The following EOGT variants were observed in gnomAD, a reference collection of about 807,000 sequenced individuals.
EOGT encodes the protein EGF domain-specific O-linked N-acetylglucosamine transferase.
In EOGT, 55 loss-of-function variants were observed where a neutral mutation model predicts 70.5. The ratio of observed to expected loss-of-function variants is 0.78; its 90% CI spans 0.63 to 0.98. The LOEUF is 0.98. Among genes scored for constraint, EOGT ranks in the 50% least tolerant of loss-of-function variants. The pLI, the probability that EOGT is intolerant of heterozygous loss-of-function variation, is 0.00. For synonymous variants in EOGT, 246 were observed against 217.1 expected (o/e 1.13, Z -1.17); for missense variants, 703 against 641.9 (o/e 1.10, Z -1.03).
intron 15 of EOGT, 35 bp downstream of exon 15, chr3:68,982,776 G>C (rs2090686589): frequency 6.5e-7 from 1 of 1,541,322 alleles, no homozygotes; most frequent in Non-Finnish European, 8.8e-7. Flanking sequence ...CCAAGCAAAA[G>C]TTGACAGTGT....
At chr3:68,998,539 G>A (rs955925174) in intron 9 of EOGT, among the ~76,000 whole-genome samples, 1 of 152,122 alleles carries the variant, frequency 6.6e-6, no homozygotes, top group Admixed American at 6.5e-5. Flanking sequence ...ACCATGCCTA[G>A]CTTGATCAGT....
At chr3:68,981,831 CTTTT>C (rs566273792) in intron 15 of EOGT, among the ~76,000 whole-genome samples, 1 of 142,694 alleles carries the variant, frequency 7.0e-6, no homozygotes, top group Non-Finnish European at 1.5e-5. Context: ...ATTTTGATAA[CTTTT>C]TTGTTATCAA....
chr3:68,991,501 A>G (rs992959823), intron 10 of EOGT, among the ~76,000 whole-genome samples: 1 of 152,212 alleles, frequency 6.6e-6, no homozygotes, highest in African/African-American at 2.4e-5. Flanking sequence ...GAATACATGC[A>G]CTGATGCATG....
chr3:69,007,300 C>T (rs1205617469), intron 6 of EOGT, among the ~76,000 whole-genome samples: 1 of 152,094 alleles, frequency 6.6e-6, no homozygotes, highest in Non-Finnish European at 1.5e-5. Flanking sequence ...TGCCGTCTAT[C>T]TTGTTTTTAC....
chr3:68,977,847 T>A, intron 17 of EOGT, 83 bp from the exon 18 acceptor site: 1 of 1,377,012 alleles, frequency 7.3e-7, no homozygotes, highest in Non-Finnish European at 9.8e-7. Flanking sequence ...GTTACTTTGG[T>A]TAAGGCAACT....
intron 3 of EOGT, among the ~76,000 whole-genome samples, chr3:69,011,587 C>T (rs1399189369): frequency 9.2e-6 from 1 of 108,526 alleles, no homozygotes; most frequent in Non-Finnish European, 1.8e-5. Flanking sequence ...GCGAGGGAGA[C>T]TCTGTCTCAA....
At chr3:69,000,788 G>T (rs906917971) in intron 9 of EOGT, among the ~76,000 whole-genome samples, 6 of 152,154 alleles carry the variant, frequency 3.9e-5, no homozygotes, top group South Asian at 4.1e-4. Flanking sequence ...TGAGAAAGAG[G>T]CTATAAGTAT....
intron 8 of EOGT, among the ~76,000 whole-genome samples, 181 bp from the exon 9 acceptor site, chr3:69,001,895 T>C (rs1233302066): frequency 6.6e-6 from 1 of 152,134 alleles, no homozygotes; most frequent in Non-Finnish European, 1.5e-5. Context: ...AATTTTAATG[T>C]TAAGACAAGG....
intron 14 of EOGT, among the ~76,000 whole-genome samples, chr3:68,986,717 C>T (rs2090819028): frequency 6.6e-6 from 1 of 152,190 alleles, no homozygotes; most frequent in Non-Finnish European, 1.5e-5. Flanking sequence ...AAGCACTTAT[C>T]ACTGCCTGAC....
intron 7 of EOGT, 56 bp downstream of exon 7, chr3:69,005,084 G>T: frequency 1.9e-6 from 2 of 1,044,266 alleles, no homozygotes; most frequent in Non-Finnish European, 2.8e-6. Flanking sequence ...AAAAATCCCT[G>T]GATCTGAAAA....
intron 5 of EOGT, 45 bp downstream of exon 5, chr3:69,008,383 T>C (rs373364935): frequency 4.4e-6 from 6 of 1,353,558 alleles, no homozygotes; most frequent in Middle Eastern, 1.8e-4. Context: ...ATACACTGTA[T>C]AGAAAGAGGA....
chr3:69,006,316 GC>G (rs1243326554), intron 6 of EOGT, among the ~76,000 whole-genome samples: 1 of 152,088 alleles, frequency 6.6e-6, no homozygotes, highest in Non-Finnish European at 1.5e-5. Flanking sequence ...ACATCCTGAG[GC>G]CTCATTCACC....
chr3:68,980,435 A>C (rs1235920974), intron 15 of EOGT, among the ~76,000 whole-genome samples: 2 of 152,200 alleles, frequency 1.3e-5, no homozygotes, highest in African/African-American at 4.8e-5. Flanking sequence ...CTCTAAATCC[A>C]AGACACTAAC....
chr3:68,996,972 A>G (rs1333261186), intron 10 of EOGT, among the ~76,000 whole-genome samples: 1 of 152,196 alleles, frequency 6.6e-6, no homozygotes, highest in East Asian at 1.9e-4. Context: ...CTGTTCACAC[A>G]CTACACGGTT....
At position 69,005,243 on chromosome 3, in the gene EOGT, T is replaced by C. The variant is rs759552770; in HGVS notation, c.421-9A>G. 1.3e-6 allele frequency: 2 copies of C among 1,518,642 alleles called. No homozygotes were observed. Among genetic ancestry groups the C allele is most frequent in the Non-Finnish European group, 1.8e-6 (2 of 1,100,086 alleles). The allele number at this position is 1,518,642 out of a possible 1,614,324, so 94.1% of individuals were successfully genotyped here. A position where few individuals can be genotyped will look rare whatever the true frequency, so the allele number is the denominator to read the frequency against. On this transcript the variant is annotated splice_polypyrimidine_tract_variant and intron_variant, in intron 6 of 17. Coordinates refer to ENST00000383701, the MANE Select transcript of EOGT (RefSeq NM_001278689.2). ...ACCAGACTTGAGTCACTCTGAAGGTTGAGCAAAAGAAAAGAATGACTCTGA... is the reference window on the plus strand; with the variant it reads ...ACCAGACTTGAGTCACTCTGAAGGTCGAGCAAAAGAAAAGAATGACTCTGA...
At position 68,977,204 on chromosome 3, in the gene EOGT, C is replaced by T. The variant is rs2107107280; in HGVS notation, c.*414G>A. 6.0e-6 allele frequency: 1 copy of T among 167,732 alleles called. No homozygotes were observed. Among genetic ancestry groups the T allele is most frequent in the Non-Finnish European group, 1.3e-5 (1 of 79,630 alleles). 10.4% of individuals were successfully genotyped at this position (167,732 alleles called of 1,614,324 possible). The stretch of plus-strand genomic sequence containing the variant: ...TAGCCAGGTGTGGTGGTGCAGGCTG[C>T]AATCCCAGCTAGTCAGGTGGCTGAG... On this transcript the variant is annotated 3_prime_UTR_variant, in exon 18 of 18. Transcript: ENST00000383701.
At position 68,977,695 on chromosome 3, in the gene EOGT, A is replaced by G; in HGVS notation, c.1507T>C (p.Tyr503His). 1 of 1,614,000 alleles carries G rather than the reference A, an allele frequency of 6.2e-7. No homozygotes were observed. The highest frequency in any genetic ancestry group is 8.5e-7 in the Non-Finnish European group (1 of 1,179,954). Residue 503 changes from tyrosine to histidine, a missense_variant, in exon 18 of 18, where the codon TAT becomes CAT. By Grantham distance (83) the Tyr-to-His change is moderately conservative. Coordinates refer to ENST00000383701, the MANE Select transcript of EOGT (RefSeq NM_001278689.2). ...NYSFDVEEFM[Y>H]LVLQAADHVL... is the part of the protein sequence containing the mutation. Reference sequence around the variant, plus strand: ...TGGTCTGCAGCCTGAAGGACAAGATACATAAATTCTTCTACATCGAAAGAG... The same window carrying G: ...TGGTCTGCAGCCTGAAGGACAAGATGCATAAATTCTTCTACATCGAAAGAG...
chr3:69,005,131 C>A lies in EOGT; in HGVS notation c.515+9G>T, dbSNP rs776670186. The stretch of plus-strand genomic sequence containing the variant: ...TTATACTAGATGTTAACATTAACCA[C>A]TAAAGTACCTGTCATGATTTCTCTT... On this transcript the variant is annotated intron_variant, in intron 7 of 17. Coordinates refer to ENST00000383701, the MANE Select transcript of EOGT (RefSeq NM_001278689.2). 11 of 1,467,008 alleles carry A rather than the reference C, an allele frequency of 7.5e-6. No homozygotes were observed. In the South Asian group the frequency reaches 1.2e-4, roughly 16 times the overall value. 90.9% of individuals were successfully genotyped at this position (1,467,008 alleles called of 1,614,324 possible).
intron 14 of EOGT, among the ~76,000 whole-genome samples, chr3:68,985,805 A>G (rs2090789564): frequency 6.6e-6 from 1 of 152,202 alleles, no homozygotes; most frequent in Non-Finnish European, 1.5e-5. Flanking sequence ...AAACTGCCAC[A>G]AATTTAGCAG....
Sources: allele counts gnomAD v4.1 joint callset (sites outside exome capture counted in the v4.1 genomes callset), GRCh38; gene constraint gnomAD v4.1.1; transcripts MANE v1.5; gene names NCBI Gene and HGNC (gene_info 2026-07-23, HGNC 2026-07-21).